The following ST3GAL3 variants were observed in gnomAD, a reference collection of about 807,000 sequenced individuals.
ST3GAL3 encodes the protein CMP-N-acetylneuraminate-beta-1,4-galactoside alpha-2,3-sialyltransferase.
A neutral mutation model predicts 50.1 loss-of-function variants in ST3GAL3; 21 were observed. That is an observed-to-expected ratio of 0.42 (90% CI 0.30 to 0.60). The LOEUF is 0.60. ST3GAL3 is among the 20% of genes least tolerant of loss of function. The pLI is 0.19. For synonymous variants in ST3GAL3, 183 were observed against 190.0 expected (o/e 0.96, Z 0.30); for missense variants, 353 against 489.4 (o/e 0.72, Z 2.63).
At chr1:43,797,826 A>G (rs774302182) in intron 3 of ST3GAL3, among the ~76,000 whole-genome samples, 4 of 152,216 alleles carry the variant, frequency 2.6e-5, no homozygotes, top group Admixed American at 2.0e-4. Flanking sequence ...GATTGCCTAC[A>G]TAGGAAATCC....
chr1:43,719,642 G>A (rs1253964864), intron 1 of ST3GAL3, among the ~76,000 whole-genome samples: 3 of 149,044 alleles, frequency 2.0e-5, no homozygotes, highest in Admixed American at 1.3e-4. Flanking sequence ...TCCAGCCTGG[G>A]CAACAAAGTG....
intron 3 of ST3GAL3, among the ~76,000 whole-genome samples, chr1:43,800,670 C>G (rs547586509): frequency 2.0e-5 from 3 of 152,216 alleles, no homozygotes; most frequent in East Asian, 3.8e-4. Context: ...GTCTAAACCT[C>G]TCTTTCCTCA....
intron 9 of ST3GAL3, among the ~76,000 whole-genome samples, chr1:43,917,577 A>G (rs1205952385): frequency 2.6e-5 from 2 of 78,222 alleles, no homozygotes; most frequent in East Asian, 3.2e-4. Flanking sequence ...TATATAATAT[A>G]TTACGTATTA....
chr1:43,791,966 C>T (rs1009273427), intron 2 of ST3GAL3, 136 bp from the exon 3 acceptor site: 2 of 1,013,120 alleles, frequency 2.0e-6, no homozygotes, highest in African/African-American at 3.2e-5. Context: ...GGGCATGGGC[C>T]TGGGAGGCTG....
chr1:43,793,136 G>A (rs1407889398), intron 3 of ST3GAL3, among the ~76,000 whole-genome samples: 3 of 152,124 alleles, frequency 2.0e-5, no homozygotes, highest in Non-Finnish European at 4.4e-5. Context: ...ATTTACTGAG[G>A]GTCTGCCTGT....
At chr1:43,876,623 T>G (rs1415301568) in intron 5 of ST3GAL3, among the ~76,000 whole-genome samples, 1 of 152,150 alleles carries the variant, frequency 6.6e-6, no homozygotes, top group Admixed American at 6.5e-5. Context: ...TCTCCATAAC[T>G]TTACCAGGTA....
At position 43,804,837 on chromosome 1, in the gene ST3GAL3, C is replaced by T. The variant is rs565797518; in HGVS notation, c.167-10054C>T. Among the ~76,000 whole-genome samples the T allele has an allele frequency of 7.9e-5, 12 of 152,232 alleles. No individual in the cohort carries two copies. In the South Asian group the frequency reaches 2.3e-3, roughly 29 times the overall value. ...GAGGGAGAAGGAGAGGGAGAGGAAGCCCCTGCTGCTGCCATCACTGCTACC... is the reference window on the plus strand; with the variant it reads ...GAGGGAGAAGGAGAGGGAGAGGAAGTCCCTGCTGCTGCCATCACTGCTACC... On this transcript the variant is annotated intron_variant, in intron 3 of 11. Coordinates refer to ENST00000347631, the MANE Select transcript of ST3GAL3 (RefSeq NM_006279.5).
intron 5 of ST3GAL3, among the ~76,000 whole-genome samples, chr1:43,861,803 C>T (rs535155886): frequency 9.2e-5 from 14 of 152,218 alleles, no homozygotes; most frequent in East Asian, 7.7e-4. Flanking sequence ...CCAGGGCAGG[C>T]GGATCACCTG....
intron 5 of ST3GAL3, chr1:43,850,910 A>G (rs1351863102): frequency 1.6e-6 from 2 of 1,231,240 alleles, no homozygotes; most frequent in Non-Finnish European, 2.4e-6. Context: ...TCTCTTTGCC[A>G]GTCTTGGGAT....
At chr1:43,728,609 G>A (rs1210233098) in intron 1 of ST3GAL3, among the ~76,000 whole-genome samples, 1 of 152,138 alleles carries the variant, frequency 6.6e-6, no homozygotes, top group East Asian at 1.9e-4. Context: ...TTAGTAGCTG[G>A]GCGTGGTGAC....
intron 5 of ST3GAL3, among the ~76,000 whole-genome samples, chr1:43,893,136 G>A (rs1240176464): frequency 6.6e-6 from 1 of 152,148 alleles, no homozygotes; most frequent in African/African-American, 2.4e-5. Context: ...GCAGACCTCT[G>A]AGTGATAACT....
chr1:43,814,018 G>A (rs1211368558), intron 3 of ST3GAL3, among the ~76,000 whole-genome samples: 1 of 151,940 alleles, frequency 6.6e-6, no homozygotes, highest in East Asian at 1.9e-4. Flanking sequence ...GAGGACACAG[G>A]AAATTTCCCT....
intron 3 of ST3GAL3, among the ~76,000 whole-genome samples, chr1:43,795,405 A>G (rs1049811763): frequency 6.6e-6 from 1 of 152,174 alleles, no homozygotes; most frequent in African/African-American, 2.4e-5. Flanking sequence ...TTTCCCGACA[A>G]CACCTACCAG....
intron 3 of ST3GAL3, among the ~76,000 whole-genome samples, chr1:43,811,344 G>A (rs889762689): frequency 3.3e-5 from 5 of 152,188 alleles, no homozygotes; most frequent in African/African-American, 1.2e-4. Flanking sequence ...GACCTAGAGT[G>A]TTTGCACTCT....
At chr1:43,880,359 G>A (rs976736621) in intron 5 of ST3GAL3, among the ~76,000 whole-genome samples, 2 of 152,002 alleles carry the variant, frequency 1.3e-5, no homozygotes, top group Non-Finnish European at 2.9e-5. Flanking sequence ...ATTTTCTCAG[G>A]TTCTCCATAC....
intron 9 of ST3GAL3, among the ~76,000 whole-genome samples, chr1:43,917,642 A>AT (rs1553136774): frequency 1.4e-5 from 1 of 73,512 alleles, no homozygotes; most frequent in African/African-American, 5.3e-5. Flanking sequence ...TATATAATAT[A>AT]ATATATAATA....
At chr1:43,886,616 T>C (rs890721519) in intron 5 of ST3GAL3, among the ~76,000 whole-genome samples, 1 of 152,120 alleles carries the variant, frequency 6.6e-6, no homozygotes, top group Admixed American at 6.5e-5. Context: ...AGATAATGCA[T>C]GTGTAAATGC....
chr1:43,776,257 T>C (rs757298605), intron 2 of ST3GAL3, among the ~76,000 whole-genome samples: 4 of 152,204 alleles, frequency 2.6e-5, no homozygotes, highest in Admixed American at 2.6e-4. Flanking sequence ...TGATCTGCTT[T>C]CTGTCACCGT....
intron 4 of ST3GAL3, among the ~76,000 whole-genome samples, chr1:43,837,532 A>G (rs1045791195): frequency 7.9e-5 from 12 of 152,332 alleles, no homozygotes; most frequent in African/African-American, 2.4e-4. Context: ...CCATGTAGGA[A>G]CATACAAGGA....
Sources: allele counts gnomAD v4.1 joint callset (sites outside exome capture counted in the v4.1 genomes callset), GRCh38; gene constraint gnomAD v4.1.1; transcripts MANE v1.5; gene names NCBI Gene and HGNC (gene_info 2026-07-23, HGNC 2026-07-21).